The following C6orf132 variants were observed in gnomAD, a reference collection of about 807,000 sequenced individuals.
C6orf132 encodes uncharacterized protein C6orf132.
In C6orf132, 43 loss-of-function variants were observed where a neutral mutation model predicts 65.3. That is an observed-to-expected ratio of 0.66 (90% confidence interval 0.52 to 0.85). The LOEUF is 0.85. C6orf132 is among the 40% of genes least tolerant of loss of function. C6orf132 has a pLI of 0.00. For missense variants in C6orf132, 1,488 were observed against 1,548.8 expected (o/e 0.96, Z 0.66); for synonymous variants, 631 against 654.1 (o/e 0.96, Z 0.54).
At chr6:42,110,318 G>A in intron 2 of C6orf132, 27 bp from the exon 3 acceptor site, 2 of 1,523,684 alleles carry the variant, frequency 1.3e-6, no homozygotes. Flanking sequence ...AGAAATCAGG[G>A]GACAGGGAAA....
chr6:42,120,840 C>T (rs1382743955), intron 2 of C6orf132, among the ~76,000 whole-genome samples: 3 of 152,000 alleles, frequency 2.0e-5, no homozygotes, highest in African/African-American at 4.8e-5. Flanking sequence ...CCAGGCTGAT[C>T]TCAAACTCCT....
At position 42,109,576 on chromosome 6, in the gene C6orf132, A is replaced by G. The variant is rs192727040; in HGVS notation, c.328+640T>C. On this transcript the variant is annotated intron_variant, in intron 3 of 4. Transcript: ENST00000341865. ...TCTAACCTGAGAGGTCTGCAGTGCA[A>G]AGACCCCAAGGCGGAAATGTGCCTG... Among the ~76,000 whole-genome samples, 867 of 152,242 alleles carry G rather than the reference A, an allele frequency of 5.7e-3. 9 individuals carry two copies. The highest frequency in any genetic ancestry group is 0.02 in the Middle Eastern group (6 of 294).
rs1227718794 is a variant in C6orf132 at position 42,106,829 on chromosome 6, G to T, written c.1083C>A (p.Asp361Glu). 2.6e-6 allele frequency: 4 copies of T among 1,535,532 alleles called. No homozygotes were observed. The African/African-American group carries it at 4.1e-5, about 16-fold the overall frequency. Reference sequence around the variant, plus strand: ...CTGTGGCCTTGAGCTCCCCAGGGCAGTCTGGCTCGGGGGCCCTGTCTGGGT... The same window carrying T: ...CTGTGGCCTTGAGCTCCCCAGGGCATTCTGGCTCGGGGGCCCTGTCTGGGT... ...QVYPDRAPEP[D>E]CPGELKATAP... Residue 361 changes from aspartate (D) to glutamate (E), a missense_variant, in exon 4 of 5, where the codon GAC (aspartate) becomes GAA (glutamate). Coordinates refer to ENST00000341865, the MANE Select transcript of C6orf132 (RefSeq NM_001164446.3).
At chr6:42,121,618 G>T (rs1766685090) in intron 2 of C6orf132, among the ~76,000 whole-genome samples, 1 of 152,218 alleles carries the variant, frequency 6.6e-6, no homozygotes, top group Non-Finnish European at 1.5e-5. Flanking sequence ...GTCACCAGGG[G>T]CTGGGCCAGT....
At chr6:42,127,155 A>G (rs1766780809) in intron 2 of C6orf132, among the ~76,000 whole-genome samples, 1 of 152,112 alleles carries the variant, frequency 6.6e-6, no homozygotes, top group South Asian at 2.1e-4. Flanking sequence ...GGGTTGGGCT[A>G]TATTGCCCAG....
chr6:42,104,826 C>T lies in C6orf132; in HGVS notation c.3086G>A (p.Gly1029Glu). The change falls in exon 4 of 5, where the codon GGG (glycine) becomes GAG (glutamate). Residue 1029 changes from glycine to glutamate, a missense_variant. Coordinates refer to ENST00000341865, the MANE Select transcript of C6orf132 (RefSeq NM_001164446.3). This position sits in a 1 kb window ranked among gnomAD's most constrained non-coding sequence, Gnocchi z 4.1. ...CGAGAAGCCGAGAGCCGGGGGCGCC[C>T]CGGGGCCAGCGTTCGGGAGCTGCCT... is the stretch of plus-strand genomic sequence containing the variant. ...DLRQLPNAGP[G>E]APPALGFSRF... 6.8e-7 allele frequency: 1 copy of T among 1,461,432 alleles called. No homozygotes were observed. Among genetic ancestry groups the T allele is most frequent in the Admixed American group, 2.7e-5 (1 of 37,704 alleles). The allele number at this position is 1,461,432 out of a possible 1,614,324, so 90.5% of individuals were successfully genotyped here. A position where few individuals can be genotyped will look rare whatever the true frequency, so the allele number is the denominator to read the frequency against.
At chr6:42,116,171 G>A (rs1002331595) in intron 2 of C6orf132, among the ~76,000 whole-genome samples, 5 of 151,354 alleles carry the variant, frequency 3.3e-5, no homozygotes, top group African/African-American at 7.3e-5. Flanking sequence ...CTTGTGATCC[G>A]CCCGCCGTGG....
rs1766401722 is a variant in C6orf132, at chr6:42,106,189, A to G, written c.1723T>C (p.Ser575Pro). Residue 575 changes from serine to proline, a missense_variant, in exon 4 of 5, where the codon TCC becomes CCC. Physicochemically the swap from Ser to Pro is moderately conservative, Grantham distance 74 (BLOSUM62 -1). Transcript: ENST00000341865. ...QIRNELEARL[S>P]SAAEKEAKPS... ...TTAGCCTCCTTCTCTGCTGCTGAGG[A>G]GAGCCGGGCCTCCAGCTCATTCCGG... is the stretch of plus-strand genomic sequence containing the variant. 1 of 1,537,090 alleles carries G rather than the reference A, an allele frequency of 6.5e-7. No homozygotes were observed. The highest frequency in any genetic ancestry group is 2.0e-5 in the Admixed American group (1 of 50,982).
At chr6:42,128,813 G>C in intron 1 of C6orf132, 35 bp from the exon 2 acceptor site, 1 of 1,483,984 alleles carries the variant, frequency 6.7e-7, no homozygotes, top group Non-Finnish European at 9.2e-7. Flanking sequence ...CCATAAGCTG[G>C]AGATCCAAGG....
intron 2 of C6orf132, among the ~76,000 whole-genome samples, chr6:42,111,971 C>T (rs1766501916): frequency 6.6e-6 from 1 of 151,984 alleles, no homozygotes; most frequent in South Asian, 2.1e-4. Context: ...CTGTTATTTC[C>T]CACTCACCTA....
intron 1 of C6orf132, among the ~76,000 whole-genome samples, chr6:42,135,215 T>G (rs1766920659): frequency 6.6e-6 from 1 of 152,236 alleles, no homozygotes; most frequent in South Asian, 2.1e-4. Flanking sequence ...GGGTTCACTC[T>G]GAGTCCTGAT....
chr6:42,135,516 T>G (rs565893904), intron 1 of C6orf132, among the ~76,000 whole-genome samples: 4 of 152,194 alleles, frequency 2.6e-5, no homozygotes, highest in Non-Finnish European at 4.4e-5. Flanking sequence ...GGAGCCTCAC[T>G]GAGTCTTCTG....
At chr6:42,140,356 TGA>T (rs374735164) in intron 1 of C6orf132, among the ~76,000 whole-genome samples, 1 of 152,246 alleles carries the variant, frequency 6.6e-6, no homozygotes, top group African/African-American at 2.4e-5. Flanking sequence ...GAGGCGTGGC[TGA>T]GAGGCATGGC....
rs1029570634 is a variant in C6orf132, at chr6:42,107,518, G to T, written c.394C>A (p.Gln132Lys). ...GGGATGAGTAGATCCTGGCCATATTGTCCAGGCCTCAGGTCACCCACAGAG... is the reference window on the plus strand; with the variant it reads ...GGGATGAGTAGATCCTGGCCATATTTTCCAGGCCTCAGGTCACCCACAGAG... ...YSSVGDLRPG[Q>K]YGQDLLIPPP... Residue 132 changes from glutamine (Q) to lysine (K), a missense_variant, in exon 4 of 5, where the codon CAA becomes AAA. Physicochemically the swap from Gln to Lys is moderately conservative, Grantham distance 53. Transcript: ENST00000341865. 6.5e-6 allele frequency: 10 copies of T among 1,550,282 alleles called. No individual in the cohort carries two copies. Among genetic ancestry groups the T allele is most frequent in the Non-Finnish European group, 7.0e-6 (8 of 1,146,456 alleles).
intron 2 of C6orf132, among the ~76,000 whole-genome samples, chr6:42,118,021 G>A (rs1766610174): frequency 6.7e-6 from 1 of 149,580 alleles, no homozygotes; most frequent in Non-Finnish European, 1.5e-5. Flanking sequence ...TTGGAGCAAA[G>A]TAACTTCTCA....
At chr6:42,108,870 A>G (rs925247503) in intron 3 of C6orf132, among the ~76,000 whole-genome samples, 1 of 152,140 alleles carries the variant, frequency 6.6e-6, no homozygotes, top group Non-Finnish European at 1.5e-5. Context: ...GGCTCCTCCC[A>G]GCTGCCTGAC....
chr6:42,116,864 T>C (rs1228207415), intron 2 of C6orf132, among the ~76,000 whole-genome samples: 1 of 152,080 alleles, frequency 6.6e-6, no homozygotes, highest in Non-Finnish European at 1.5e-5. Context: ...AAAAACCACC[T>C]GTTGGAGGAA....
intron 2 of C6orf132, among the ~76,000 whole-genome samples, chr6:42,123,644 T>C (rs1054147840): frequency 3.9e-4 from 59 of 152,068 alleles, no homozygotes; most frequent in African/African-American, 1.4e-3. Flanking sequence ...TGGCTTGCTC[T>C]CTGGGCCCAG....
Position 42,124,820 on chromosome 6 carries a change from C to G in C6orf132, c.252+3852G>C, listed in dbSNP as rs932947381. Among the ~76,000 whole-genome samples the G allele has an allele frequency of 3.9e-5, 6 of 152,336 alleles. No homozygotes were observed. In the East Asian group the frequency reaches 1.2e-3, roughly 29 times the overall value. On this transcript the variant is annotated intron_variant, in intron 2 of 4. Transcript: ENST00000341865. This position sits in a 1 kb window ranked among gnomAD's most constrained non-coding sequence, Gnocchi z 4.0. ...ACAGGAGAGGAGTCAGAAGCTCAGA[C>G]AGGAGAGAATTAAGCCGCCAGCCGG...
Sources: gnomAD v4.1 joint callset for allele counts (sites outside exome capture counted in the v4.1 genomes callset) on GRCh38, gnomAD v4.1.1 for gene constraint, Gnocchi (gnomAD v3.1) non-coding constraint, MANE v1.5 for transcripts, NCBI Gene and HGNC (gene_info 2026-07-23, HGNC 2026-07-21) for gene names.